Variants in PHAF1 observed in about 807,000 individuals in gnomAD.
PHAF1 encodes phagosome assembly factor 1.
Under a neutral mutation model 63.1 loss-of-function variants are expected in PHAF1, and 23 were observed. That is an observed-to-expected ratio of 0.36 (90% CI 0.26 to 0.52). PHAF1 has a LOEUF of 0.52. PHAF1 is among the 20% of genes least tolerant of loss of function. PHAF1 has a pLI of 0.93. For missense variants in PHAF1, 427 were observed against 517.2 expected, an observed-to-expected ratio of 0.83 and a Z score of 1.69; for synonymous variants, 167 against 185.0, an observed-to-expected ratio of 0.90 and a Z score of 0.79.
At chr16:67,117,199 A>ATTTTTTTTTTTTTTTTTTTTTTTTT (rs750308105) in intron 1 of PHAF1, among the ~76,000 whole-genome samples, 2 of 111,952 alleles carry the variant, frequency 1.8e-5, no homozygotes, top group South Asian at 3.0e-4. Flanking sequence ...TGCCCAGCTA[A>ATTTTTTTTTTTTTTTTTTTTTTTTT]TTTTTTTTTT....
intron 8 of PHAF1, among the ~76,000 whole-genome samples, chr16:67,138,366 T>A (rs1963683887): frequency 6.6e-6 from 1 of 152,186 alleles, no homozygotes; most frequent in South Asian, 2.1e-4. Context: ...TTATTTCAGA[T>A]TTGGGTTCTC....
intron 2 of PHAF1, among the ~76,000 whole-genome samples, chr16:67,122,269 A>G (rs1025225670): frequency 1.3e-5 from 2 of 152,170 alleles, no homozygotes; most frequent in Admixed American, 6.5e-5. Flanking sequence ...CAGTGTTAGC[A>G]TTAAGCTGAT....
chr16:67,147,192 G>C lies in PHAF1; in HGVS notation c.*61G>C. ...CTGTGCATCACATCCTGCTCAGTGGGCCTCTGTACCACCCTGTGGGTTTTC... is the reference window on the plus strand; with the variant it reads ...CTGTGCATCACATCCTGCTCAGTGGCCCTCTGTACCACCCTGTGGGTTTTC... On this transcript the variant is annotated 3_prime_UTR_variant, in exon 16 of 16. Coordinates refer to ENST00000219139, the MANE Select transcript of PHAF1 (RefSeq NM_025187.5). 1 of 1,478,090 alleles carries C rather than the reference G, an allele frequency of 6.8e-7. No homozygotes were observed. The highest frequency in any genetic ancestry group is 2.3e-5 in the East Asian group (1 of 44,056). 91.6% of individuals were successfully genotyped at this position (1,478,090 alleles called of 1,614,324 possible).
Position 67,110,190 on chromosome 16 carries a change from G to T in PHAF1, c.15G>T (p.Glu5Asp). The change falls in exon 1 of 16, where the codon GAG becomes GAT. Residue 5 changes from glutamate to aspartate, a missense_variant. Physicochemically the swap from Glu to Asp is conservative, Grantham distance 45. Coordinates refer to ENST00000219139, the MANE Select transcript of PHAF1 (RefSeq NM_025187.5). The stretch of plus-strand genomic sequence containing the variant: ...GAGCCGAACCAATGCTGGACCTGGA[G>T]GTAGTGCCCGAACGCTCTCTGGGGA... The part of the protein sequence containing the change: MLDL[E>D]VVPERSLGNE... 1 of 1,552,772 alleles carries T rather than the reference G, an allele frequency of 6.4e-7. No homozygotes were observed. Among genetic ancestry groups the T allele is most frequent in the Non-Finnish European group, 8.7e-7 (1 of 1,147,736 alleles).
At chr16:67,112,736 G>A (rs1023693292) in intron 1 of PHAF1, among the ~76,000 whole-genome samples, 2 of 152,082 alleles carry the variant, frequency 1.3e-5, no homozygotes, top group Admixed American at 1.3e-4. Context: ...CAGTGAGAAG[G>A]GCATTTCTGT....
chr16:67,122,093 T>C (rs1963003895), intron 2 of PHAF1, among the ~76,000 whole-genome samples: 1 of 151,428 alleles, frequency 6.6e-6, no homozygotes, highest in African/African-American at 2.4e-5. Flanking sequence ...AGAGATGGGG[T>C]CTCACTGTGT....
chr16:67,145,356 CCA>C lies in PHAF1; in HGVS notation c.1007-18_1007-17del. 6.2e-7 allele frequency: 1 copy of C among 1,613,930 alleles called. No homozygotes were observed. Among genetic ancestry groups the C allele is most frequent in the Non-Finnish European group, 8.5e-7 (1 of 1,179,946 alleles). ...AGGCTGGGCCAGCTACAAATCTGCCCCACTGTCTTCTCTTTTCAGAAAACGCA... is the reference window on the plus strand; with the variant it reads ...AGGCTGGGCCAGCTACAAATCTGCCCCTGTCTTCTCTTTTCAGAAAACGCA... On this transcript the variant is annotated intron_variant, in intron 12 of 15. Coordinates refer to ENST00000219139, the MANE Select transcript of PHAF1 (RefSeq NM_025187.5).
rs1963392687 is a variant in PHAF1, at chr16:67,131,347, C to A, written c.275+18C>A. The A allele has an allele frequency of 1.3e-6, 2 of 1,554,476 alleles. 1 individual carries two copies. Among genetic ancestry groups the A allele is most frequent in the Admixed American group, 3.6e-5 (2 of 54,950 alleles). On this transcript the variant is annotated intron_variant, in intron 4 of 15. Coordinates refer to ENST00000219139, the MANE Select transcript of PHAF1 (RefSeq NM_025187.5). The stretch of plus-strand genomic sequence containing the variant: ...AAATATTGGTAAGTTTTCTCCCCTG[C>A]TGGTATATGTCACACTTGGTATAGA...
chr16:67,145,773 A>T, intron 14 of PHAF1, 145 bp downstream of exon 14: 1 of 831,554 alleles, frequency 1.2e-6, no homozygotes, highest in Non-Finnish European at 1.8e-6. Context: ...CCCACTCTGC[A>T]CATTAGGACT....
Position 67,144,835 on chromosome 16 carries a change from TATC to T in PHAF1, c.968_970del (p.His323del). On this transcript the variant is annotated inframe_deletion and splice_region_variant, in exon 12 of 16. Transcript: ENST00000219139. ...TTTACCCATTTGCCTTCTCTCTAGT[TATC>T]ATCGCTGTGAGTTCAAGATCCCACT... The T allele has an allele frequency of 6.2e-7, 1 of 1,614,122 alleles. No individual in the cohort carries two copies. The highest frequency in any genetic ancestry group is 8.5e-7 in the Non-Finnish European group (1 of 1,179,998).
At chr16:67,112,816 G>C (rs1283395918) in intron 1 of PHAF1, among the ~76,000 whole-genome samples, 1 of 152,120 alleles carries the variant, frequency 6.6e-6, no homozygotes, top group African/African-American at 2.4e-5. Context: ...GATTCCCTTG[G>C]GTCTTAAAAT....
Position 67,146,302 on chromosome 16 carries a change from C to T in PHAF1, c.1134C>T (p.Asn378=). Reference sequence around the variant, plus strand: ...GGTCTTCCTCCCCAAACAACACCAACCCATTTGGTTCCACATTCTGCTTTG... The same window carrying T: ...GGTCTTCCTCCCCAAACAACACCAATCCATTTGGTTCCACATTCTGCTTTG... ...LHRSSSPNNT[N]PFGSTFCFGL... is the part of the protein sequence containing the mutation. The change falls in exon 15 of 16, where the codon AAC becomes AAT. Residue 378 remains asparagine (N), a synonymous_variant. Coordinates refer to ENST00000219139, the MANE Select transcript of PHAF1 (RefSeq NM_025187.5). 2 of 1,614,176 alleles carry T rather than the reference C, an allele frequency of 1.2e-6. No homozygotes were observed. The highest frequency in any genetic ancestry group is 1.7e-6 in the Non-Finnish European group (2 of 1,179,998).
At chr16:67,139,343 CTTTT>C (rs1164245105) in intron 8 of PHAF1, among the ~76,000 whole-genome samples, 2 of 86,872 alleles carry the variant, frequency 2.3e-5, no homozygotes, top group African/African-American at 1.0e-4. Flanking sequence ...ACAGCACTGC[CTTTT>C]TTTTTTTTTT....
At chr16:67,128,765 G>A (rs1963282421) in intron 3 of PHAF1, among the ~76,000 whole-genome samples, 1 of 152,220 alleles carries the variant, frequency 6.6e-6, no homozygotes, top group African/African-American at 2.4e-5. Context: ...CTAGTGACAT[G>A]AAGGACTCCA....
intron 1 of PHAF1, among the ~76,000 whole-genome samples, chr16:67,113,601 C>T (rs1232648005): frequency 1.3e-5 from 2 of 151,468 alleles, no homozygotes; most frequent in African/African-American, 4.9e-5. Flanking sequence ...AGGCGCCCGC[C>T]ACCACGCCCA....
chr16:67,112,941 C>T (rs2145811831), intron 1 of PHAF1, among the ~76,000 whole-genome samples: 1 of 152,258 alleles, frequency 6.6e-6, no homozygotes, highest in East Asian at 1.9e-4. Flanking sequence ...TGAACACGTC[C>T]AAACTACATT....
intron 6 of PHAF1, 140 bp downstream of exon 6, chr16:67,133,051 G>A: frequency 1.4e-6 from 1 of 716,712 alleles, no homozygotes; most frequent in Non-Finnish European, 2.4e-6. Context: ...GCTCTACAGG[G>A]TAAAGTGGTA....
intron 1 of PHAF1, among the ~76,000 whole-genome samples, chr16:67,117,777 A>C (rs1597184946): frequency 1.3e-5 from 2 of 151,428 alleles, no homozygotes; most frequent in East Asian, 2.0e-4. Flanking sequence ...AAAAAAAAAA[A>C]AAGAGATATT....
intron 8 of PHAF1, among the ~76,000 whole-genome samples, chr16:67,139,109 C>T (rs1047511127): frequency 4.6e-5 from 7 of 151,862 alleles, no homozygotes; most frequent in African/African-American, 1.2e-4. Context: ...TTTTGTAGAG[C>T]CAGGGTTTCA....
Sources: allele counts gnomAD v4.1 joint callset (sites outside exome capture counted in the v4.1 genomes callset), GRCh38; gene constraint gnomAD v4.1.1; transcripts MANE v1.5; gene names NCBI Gene and HGNC (gene_info 2026-07-23, HGNC 2026-07-21).